The following GPRC5B variants were observed in gnomAD, a reference collection of about 807,000 sequenced individuals.
The protein encoded by GPRC5B is G protein-coupled receptor family C group 5 member B.
Under a neutral mutation model 30.1 loss-of-function variants are expected in GPRC5B, and 16 were observed. The ratio of observed to expected loss-of-function variants is 0.53; its 90% CI spans 0.36 to 0.81. The LOEUF (loss-of-function observed/expected upper bound fraction) is 0.81, where lower values mean the gene tolerates loss of function less well. Among genes scored for constraint, GPRC5B ranks in the 30% least tolerant of loss-of-function variants. The probability of loss-of-function intolerance (pLI) is 0.01; values close to 1 mark genes in which losing one functional copy is unlikely to be tolerated. For missense variants in GPRC5B, 428 were observed against 544.7 expected, an observed-to-expected ratio of 0.79 and a Z score of 2.13; for synonymous variants, 241 against 239.5, an observed-to-expected ratio of 1.01 and a Z score of -0.06.
At chr16:19,863,948 CT>C (rs2056647380) in intron 2 of GPRC5B, among the ~76,000 whole-genome samples, 1 of 152,102 alleles carries the variant, frequency 6.6e-6, no homozygotes, top group South Asian at 2.1e-4. Context: ...CCCCCGCAAC[CT>C]TGATCCATGG....
chr16:19,885,273 G>A (rs569869878), upstream of GPRC5B: 202 of 1,283,032 alleles, frequency 1.6e-4, 1 homozygote, highest in African/African-American at 2.3e-3. This position sits in a 1 kb window ranked among gnomAD's most constrained non-coding sequence, Gnocchi z 5.3. Context: ...CTCCAAGGGG[G>A]GTTCATAAGC....
chr16:19,861,798 C>T (rs2056625162), intron 3 of GPRC5B, 39 bp downstream of exon 3: 1 of 1,595,430 alleles, frequency 6.3e-7, no homozygotes, highest in African/African-American at 1.3e-5. Flanking sequence ...ACCGTAGACT[C>T]CTAGGCTTCC....
chr16:19,861,521 G>C (rs2056622046), intron 3 of GPRC5B, among the ~76,000 whole-genome samples: 1 of 152,122 alleles, frequency 6.6e-6, no homozygotes, highest in African/African-American at 2.4e-5. Flanking sequence ...CCATCATTCT[G>C]GGCTTTTTCC....
rs2056590097 is a variant in GPRC5B at position 19,858,355 on chromosome 16, C to T, written c.*2145G>A. On this transcript the variant is annotated 3_prime_UTR_variant, in exon 4 of 4. Coordinates refer to ENST00000300571, the MANE Select transcript of GPRC5B (RefSeq NM_016235.3). ...AAAAGGTCTCATTAAATGAGGCTTCCCATGGCTCAAAGATGGCTCTGTTCT... is the reference window on the plus strand; with the variant it reads ...AAAAGGTCTCATTAAATGAGGCTTCTCATGGCTCAAAGATGGCTCTGTTCT... 1 of 446,694 alleles carries T rather than the reference C, an allele frequency of 2.2e-6. No individual in the cohort carries two copies. The highest frequency in any genetic ancestry group is 2.0e-5 in the African/African-American group (1 of 49,598). The allele number at this position is 446,694 out of a possible 1,614,324, so 27.7% of individuals were successfully genotyped here.
rs1597618971 is a variant in GPRC5B, at chr16:19,856,768, T to C, written c.*3732A>G. ...TTCACTTTCTGCATTATCCCCACAT[T>C]TTATTCATTCATCCAGATTACTTCT... On this transcript the variant is annotated 3_prime_UTR_variant, in exon 4 of 4. Transcript: ENST00000300571. The C allele has an allele frequency of 3.7e-6, 2 of 537,134 alleles. No homozygotes were observed. Among genetic ancestry groups the C allele is most frequent in the African/African-American group, 3.8e-5 (2 of 52,276 alleles). 33.3% of individuals were successfully genotyped at this position (537,134 alleles called of 1,614,324 possible). A position where few individuals can be genotyped will look rare whatever the true frequency, so the allele number is the denominator to read the frequency against.
Position 19,857,038 on chromosome 16 carries a change from T to C in GPRC5B, c.*3462A>G. The C allele has an allele frequency of 5.8e-6, 1 of 171,782 alleles. No individual in the cohort carries two copies. Among genetic ancestry groups the C allele is most frequent in the Non-Finnish European group, 1.2e-5 (1 of 81,438 alleles). 10.6% of individuals were successfully genotyped at this position (171,782 alleles called of 1,614,324 possible). The stretch of plus-strand genomic sequence containing the variant: ...ATCATTTCCAAAGGAGACCACTCCT[T>C]AACTTTTACTGCAAACCCAACAAGA... On this transcript the variant is annotated 3_prime_UTR_variant, in exon 4 of 4. Coordinates refer to ENST00000300571, the MANE Select transcript of GPRC5B (RefSeq NM_016235.3).
intron 2 of GPRC5B, 42 bp from the exon 3 acceptor site, chr16:19,862,015 A>G: frequency 1.2e-6 from 2 of 1,610,622 alleles, no homozygotes; most frequent in East Asian, 2.2e-5. Flanking sequence ...TGCCAAAAAA[A>G]AGACACAATT....
At position 19,860,531 on chromosome 16, in the gene GPRC5B, G is replaced by A. The variant is rs147744945; in HGVS notation, c.1181C>T (p.Pro394Leu). 6.9e-6 allele frequency: 11 copies of A among 1,597,706 alleles called. No individual in the cohort carries two copies. In the African/African-American group the frequency reaches 1.1e-4, roughly 16 times the overall value. Reference protein sequence around the residue: ...VLNGGTIPTAPPSHTGRHLW With the variant: ...VLNGGTIPTALPSHTGRHLW ...AAGGTGTCTTCCTGTGTGACTTGGC[G>A]GAGCAGTTGGGATCTGGAATAACAC... Residue 394 changes from proline (P) to leucine (L), a missense_variant, in exon 4 of 4, where the codon CCG becomes CTG. Transcript: ENST00000300571.
chr16:19,884,879 C>T (rs2056838670), upstream of GPRC5B: 3 of 980,614 alleles, frequency 3.1e-6, no homozygotes, highest in Non-Finnish European at 3.6e-6. Context: ...CGCGAGGCGC[C>T]CCCTGGCCCG....
chr16:19,875,544 G>A (rs1200750385), intron 1 of GPRC5B, among the ~76,000 whole-genome samples: 2 of 152,208 alleles, frequency 1.3e-5, no homozygotes, highest in Non-Finnish European at 2.9e-5. Flanking sequence ...TTGGGAGGCT[G>A]AGGCAAGAGG....
Position 19,871,934 on chromosome 16 carries a change from C to T in GPRC5B, c.912G>A (p.Thr304=), listed in dbSNP as rs199673129. Residue 304 remains threonine, a synonymous_variant, in exon 2 of 4, where the codon ACG becomes ACA. Transcript: ENST00000300571. Reference sequence around the variant, plus strand: ...GCTGCGACGTGTCGAAGTAGTTGGGCGTGTTCTCCTGCAGGGCTGGCAGAA... The same window carrying T: ...GCTGCGACGTGTCGAAGTAGTTGGGTGTGTTCTCCTGCAGGGCTGGCAGAA... ...CTLLPALQEN[T]PNYFDTSQPR... 7 of 1,613,920 alleles carry T rather than the reference C, an allele frequency of 4.3e-6. No individual in the cohort carries two copies. The highest frequency in any genetic ancestry group is 2.2e-5 in the East Asian group (1 of 44,874).
intron 1 of GPRC5B, among the ~76,000 whole-genome samples, chr16:19,876,722 T>G (rs940283883): frequency 6.6e-6 from 1 of 152,218 alleles, no homozygotes; most frequent in East Asian, 1.9e-4. Flanking sequence ...AGCTCCTGAC[T>G]CCTCTCTGAC....
rs557727037 is a variant in GPRC5B at position 19,862,830 on chromosome 16, T to A, written c.1031-857A>T. On this transcript the variant is annotated intron_variant, in intron 2 of 3. Transcript: ENST00000300571. ...TACTCGGGAGGCTGCAGCACAAGAA[T>A]CGCTTGAACCCGGGAGGTTAAGGTT... is the stretch of plus-strand genomic sequence containing the variant. 2.0e-5 allele frequency among the ~76,000 whole-genome samples: 3 copies of A among 152,246 alleles called. No individual in the cohort carries two copies. The East Asian group carries it at 5.8e-4, about 29-fold the overall frequency.
chr16:19,885,480 T>A (rs1375299530), upstream of GPRC5B: 4 of 1,139,832 alleles, frequency 3.5e-6, no homozygotes, highest in Admixed American at 1.7e-4. The surrounding 1 kb of genome is among the most constrained non-coding windows in gnomAD (Gnocchi z 5.3). Context: ...GTTGTCCGTT[T>A]ACGCACACTG....
intron 2 of GPRC5B, among the ~76,000 whole-genome samples, chr16:19,863,959 G>C (rs1158527103): frequency 1.3e-5 from 2 of 152,202 alleles, no homozygotes; most frequent in East Asian, 3.9e-4. Context: ...TTGATCCATG[G>C]AAAGATTGTC....
intron 2 of GPRC5B, among the ~76,000 whole-genome samples, chr16:19,867,233 G>A (rs983278448): frequency 1.4e-4 from 22 of 152,194 alleles, no homozygotes; most frequent in Non-Finnish European, 7.3e-5. Flanking sequence ...ATGACACAGG[G>A]GTCAGGCATG....
intron 2 of GPRC5B, among the ~76,000 whole-genome samples, chr16:19,870,171 A>C (rs977350589): frequency 2.6e-5 from 4 of 152,200 alleles, no homozygotes; most frequent in Admixed American, 6.5e-5. Flanking sequence ...TCTGAGGCTC[A>C]TTCAGCATAT....
chr16:19,878,123 C>T (rs891260083), intron 1 of GPRC5B, among the ~76,000 whole-genome samples: 2 of 151,568 alleles, frequency 1.3e-5, no homozygotes, highest in Admixed American at 6.6e-5. Context: ...GATGTGAACC[C>T]AGGAGGCGGA....
chr16:19,871,621 TCAAA>T (rs1195180215), intron 2 of GPRC5B, among the ~76,000 whole-genome samples, 191 bp downstream of exon 2: 3 of 152,136 alleles, frequency 2.0e-5, no homozygotes, highest in African/African-American at 2.4e-5. Flanking sequence ...AAAATCTGTC[TCAAA>T]CAAACAGACA....
Sources: gnomAD v4.1 joint callset for allele counts (sites outside exome capture counted in the v4.1 genomes callset) on GRCh38, gnomAD v4.1.1 for gene constraint, Gnocchi (gnomAD v3.1) non-coding constraint, MANE v1.5 for transcripts, NCBI Gene and HGNC (gene_info 2026-07-23, HGNC 2026-07-21) for gene names.